The following FAT3 variants were observed in gnomAD, a reference collection of about 807,000 sequenced individuals.
FAT3 encodes the protein FAT atypical cadherin 3.
A neutral mutation model predicts 310.2 loss-of-function variants in FAT3; 95 were observed. That is an observed-to-expected ratio of 0.31 (90% confidence interval 0.26 to 0.36). FAT3 has a LOEUF of 0.36. FAT3 is among the 10% of genes least tolerant of loss of function. FAT3 has a pLI of 1.00. For synonymous variants in FAT3, 2,314 were observed against 2,192.9 expected (o/e 1.06, Z -1.54); for missense variants, 5,408 against 5,715.6 (o/e 0.95, Z 1.74).
chr11:92,866,842 C>T lies in FAT3; in HGVS notation c.11760C>T (p.Val3920=). The T allele has an allele frequency of 6.2e-7, 1 of 1,613,968 alleles. No individual in the cohort carries two copies. The highest frequency in any genetic ancestry group is 8.5e-7 in the Non-Finnish European group (1 of 1,179,880). The part of the protein sequence containing the change: ...RAVNDGSWHS[V]FLELNRNFTS... ...TCAACGACGGGAGCTGGCACTCGGTCTTCCTGGAGCTCAACCGCAATTTCA... is the reference window on the plus strand; with the variant it reads ...TCAACGACGGGAGCTGGCACTCGGTTTTCCTGGAGCTCAACCGCAATTTCA... The change falls in exon 22 of 28, where the codon GTC becomes GTT. Residue 3920 remains valine, a synonymous_variant. Coordinates refer to ENST00000525166, the MANE Select transcript of FAT3 (RefSeq NM_001367949.2).
intron 3 of FAT3, among the ~76,000 whole-genome samples, chr11:92,646,946 A>G (rs1300357267): frequency 6.6e-6 from 1 of 152,170 alleles, no homozygotes; most frequent in Non-Finnish European, 1.5e-5. Flanking sequence ...CCCTCATTAC[A>G]GAATCCCTTG....
chr11:92,633,842 G>C (rs1041607445), intron 3 of FAT3, among the ~76,000 whole-genome samples: 1 of 152,160 alleles, frequency 6.6e-6, no homozygotes, highest in African/African-American at 2.4e-5. Flanking sequence ...TCAGGGTTCA[G>C]TTAGGTTCAT....
chr11:92,419,872 A>G (rs910837169), intron 2 of FAT3, among the ~76,000 whole-genome samples: 2 of 152,158 alleles, frequency 1.3e-5, no homozygotes, highest in Admixed American at 6.6e-5. Context: ...CTGTTGGCTC[A>G]TAGGATACTT....
chr11:92,311,278 C>T (rs1431343774), intron 1 of FAT3, among the ~76,000 whole-genome samples: 1 of 152,024 alleles, frequency 6.6e-6, no homozygotes. Context: ...ATGATTACGT[C>T]TTATTTTCTT....
chr11:92,782,131 A>G (rs1410959783), intron 7 of FAT3, among the ~76,000 whole-genome samples: 2 of 152,146 alleles, frequency 1.3e-5, no homozygotes, highest in East Asian at 3.9e-4. Flanking sequence ...TAACACAGCG[A>G]GAACTTATTT....
At chr11:92,622,558 C>T (rs1941135399) in intron 3 of FAT3, among the ~76,000 whole-genome samples, 1 of 152,050 alleles carries the variant, frequency 6.6e-6, no homozygotes, top group South Asian at 2.1e-4. Flanking sequence ...TTCTGGGGAG[C>T]ATCTGAGGTT....
intron 2 of FAT3, among the ~76,000 whole-genome samples, chr11:92,402,251 AT>A (rs1255691787): frequency 6.6e-6 from 1 of 152,224 alleles, no homozygotes; most frequent in Non-Finnish European, 1.5e-5. Flanking sequence ...GGGAAAAAAT[AT>A]TGATGAACTT....
intron 3 of FAT3, among the ~76,000 whole-genome samples, chr11:92,530,314 C>G (rs186075902): frequency 4.6e-5 from 7 of 152,108 alleles, no homozygotes; most frequent in Admixed American, 3.9e-4. Context: ...TGATGTTGCT[C>G]TCTCCTGAGA....
chr11:92,717,214 GCA>G (rs1195894028), intron 4 of FAT3, among the ~76,000 whole-genome samples: 3 of 152,166 alleles, frequency 2.0e-5, no homozygotes, highest in Non-Finnish European at 4.4e-5. Flanking sequence ...CCAGTACCTA[GCA>G]CAGTTTCAAC....
chr11:92,512,498 A>T (rs1953327004), intron 2 of FAT3, among the ~76,000 whole-genome samples: 1 of 147,852 alleles, frequency 6.8e-6, no homozygotes, highest in Non-Finnish European at 1.5e-5. Context: ...CCTGTTTTAT[A>T]TCTCAAAAAA....
At position 92,377,205 on chromosome 11, in the gene FAT3, T is replaced by C. The variant is rs561907808; in HGVS notation, c.3292+21801T>C. On this transcript the variant is annotated intron_variant, in intron 2 of 27. Transcript: ENST00000525166. ...ACAAAACATGTTGAAGAAGGACATA[T>C]AATGGACGTATAATGGCTAAGAGTT... Among the ~76,000 whole-genome samples the C allele has an allele frequency of 3.3e-5, 5 of 152,316 alleles. No homozygotes were observed. In the South Asian group the frequency reaches 6.2e-4, roughly 19 times the overall value.
At chr11:92,843,893 T>C (rs780067165) in intron 18 of FAT3, 41 bp from the exon 19 acceptor site, 1 of 1,535,426 alleles carries the variant, frequency 6.5e-7, no homozygotes, top group Admixed American at 2.0e-5. Context: ...CTATGATTAG[T>C]TTTCTTCCTT....
At position 92,264,928 on chromosome 11, in the gene FAT3, C is replaced by T. The variant is rs559147719; in HGVS notation, c.-18+39754C>T. Among the ~76,000 whole-genome samples the T allele has an allele frequency of 5.9e-5, 9 of 152,114 alleles. No homozygotes were observed. The South Asian group carries it at 1.9e-3, about 32-fold the overall frequency. On this transcript the variant is annotated intron_variant, in intron 1 of 27. Transcript: ENST00000525166. ...CACATCTCCTTGGGTAAAGAGGATT[C>T]CAAGTCAGAGACACCCCATGCCCAC...
intron 18 of FAT3, 109 bp downstream of exon 18, chr11:92,840,868 C>T: frequency 1.9e-6 from 2 of 1,062,066 alleles, no homozygotes; most frequent in Non-Finnish European, 2.6e-6. Flanking sequence ...TAATTCATTA[C>T]CATGCGGGAA....
Position 92,362,625 on chromosome 11 carries a change from T to C in FAT3, c.3292+7221T>C, listed in dbSNP as rs1356630020. Among the ~76,000 whole-genome samples the C allele has an allele frequency of 2.6e-5, 4 of 152,204 alleles. No individual in the cohort carries two copies. The East Asian group carries it at 7.7e-4, about 29-fold the overall frequency. ...CTAGCCCTAGATTACGACACTATTT[T>C]TGTTTTGTTTTGTTTTACTTCTTTA... On this transcript the variant is annotated intron_variant, in intron 2 of 27. Transcript: ENST00000525166.
Position 92,844,524 on chromosome 11 carries a change from C to T in FAT3, c.11157C>T (p.Ile3719=), listed in dbSNP as rs191387994. The change falls in exon 19 of 28, where the codon ATC becomes ATT. Residue 3719 remains isoleucine, a synonymous_variant. Transcript: ENST00000525166. ...AGTTCTACAAGCCAGCCTACCTGAT[C>T]CAGAAGCTGTCCAATGCTAGAAGAC... ...SSEFYKPAYL[I]QKLSNARRHL... The T allele has an allele frequency of 1.9e-6, 3 of 1,613,866 alleles. No individual in the cohort carries two copies. The highest frequency in any genetic ancestry group is 2.2e-5 in the South Asian group (2 of 91,060).
rs1949004751 is a variant in FAT3 at position 92,857,253 on chromosome 11, A to G, written c.11405A>G (p.Lys3802Arg). The change falls in exon 20 of 28, where the codon AAG becomes AGG. Residue 3802 changes from lysine (K) to arginine (R), a missense_variant. Lys to Arg is a conservative substitution (Grantham distance 26, BLOSUM62 2). Transcript: ENST00000525166. ...CPGSNDPCVE[K>R]PCPGDMQCVS... The stretch of plus-strand genomic sequence containing the variant: ...GGGTCCAACGATCCTTGTGTGGAGA[A>G]GCCGTGTCCAGGGGACATGCAGTGT... 1 of 1,613,886 alleles carries G rather than the reference A, an allele frequency of 6.2e-7. No individual in the cohort carries two copies. Among genetic ancestry groups the G allele is most frequent in the South Asian group, 1.1e-5 (1 of 91,088 alleles).
chr11:92,352,241 C>T lies in FAT3; in HGVS notation c.129C>T (p.Phe43=). Residue 43 remains phenylalanine (F), a synonymous_variant, in exon 2 of 28, where the codon TTC becomes TTT. Transcript: ENST00000525166. ...LPGTGPLGFH[F]THSIYNATVY... is the part of the protein sequence containing the mutation. ...GGACTGGACCCCTGGGCTTCCACTTCACACATTCCATTTATAATGCTACCG... is the reference window on the plus strand; with the variant it reads ...GGACTGGACCCCTGGGCTTCCACTTTACACATTCCATTTATAATGCTACCG... 1 of 1,399,022 alleles carries T rather than the reference C, an allele frequency of 7.1e-7. No homozygotes were observed. The highest frequency in any genetic ancestry group is 9.6e-7 in the Non-Finnish European group (1 of 1,043,290). 86.7% of individuals were successfully genotyped at this position (1,399,022 alleles called of 1,614,324 possible).
chr11:92,445,992 A>G (rs1201707168), intron 2 of FAT3, among the ~76,000 whole-genome samples: 2 of 152,038 alleles, frequency 1.3e-5, no homozygotes, highest in Non-Finnish European at 2.9e-5. Context: ...TGAAAATTGG[A>G]CTCTTAATTC....
Sources: allele counts gnomAD v4.1 joint callset (sites outside exome capture counted in the v4.1 genomes callset), GRCh38; gene constraint gnomAD v4.1.1; transcripts MANE v1.5; gene names NCBI Gene and HGNC (gene_info 2026-07-23, HGNC 2026-07-21).